Variants in RNF157 observed in about 807,000 individuals in gnomAD.
RNF157 encodes E3 ubiquitin ligase RNF157.
In RNF157, 55 loss-of-function variants were observed where a neutral mutation model predicts 88.3. The observed-to-expected ratio is 0.62, with a 90% CI of 0.50 to 0.78. The LOEUF (loss-of-function observed/expected upper bound fraction) is 0.78, where lower values mean the gene tolerates loss of function less well. RNF157 is among the 30% of genes least tolerant of loss of function. The pLI, the probability that RNF157 is intolerant of heterozygous loss-of-function variation, is 0.00. For synonymous variants in RNF157, 334 were observed against 341.2 expected (o/e 0.98, Z 0.23); for missense variants, 788 against 860.8 (o/e 0.92, Z 1.06).
At chr17:76,147,364 G>A in intron 18 of RNF157, 1 of 986,750 alleles carries the variant, frequency 1.0e-6, no homozygotes, top group Non-Finnish European at 1.2e-6. Flanking sequence ...AGACACACAT[G>A]CATGCACAAA....
chr17:76,145,852 G>A (rs1392962324), intron 18 of RNF157, among the ~76,000 whole-genome samples: 1 of 152,142 alleles, frequency 6.6e-6, no homozygotes, highest in African/African-American at 2.4e-5. Flanking sequence ...CAGGGTTCCT[G>A]GGATGGAAGG....
intron 3 of RNF157, among the ~76,000 whole-genome samples, chr17:76,170,833 T>C (rs2069001201): frequency 6.6e-6 from 1 of 152,232 alleles, no homozygotes; most frequent in Non-Finnish European, 1.5e-5. Context: ...GCTGTTGCTC[T>C]CTTCCCATTC....
At chr17:76,187,233 G>A (rs2069307184) in intron 2 of RNF157, among the ~76,000 whole-genome samples, 1 of 151,698 alleles carries the variant, frequency 6.6e-6, no homozygotes, top group Non-Finnish European at 1.5e-5. Context: ...ACCCAGGCTG[G>A]AGTGCAGTGG....
intron 1 of RNF157, among the ~76,000 whole-genome samples, chr17:76,218,393 T>G (rs951526245): frequency 3.9e-5 from 6 of 152,016 alleles, no homozygotes; most frequent in Middle Eastern, 3.2e-3. Context: ...GCAATCCCAG[T>G]ACTTTGGGAG....
At chr17:76,220,508 C>A (rs2069962761) in intron 1 of RNF157, among the ~76,000 whole-genome samples, 1 of 151,876 alleles carries the variant, frequency 6.6e-6, no homozygotes, top group South Asian at 2.1e-4. Context: ...ATGAACTGTA[C>A]CTCTGGGTGA....
intron 2 of RNF157, among the ~76,000 whole-genome samples, chr17:76,205,688 G>A (rs1327581501): frequency 6.6e-6 from 1 of 151,782 alleles, no homozygotes; most frequent in African/African-American, 2.4e-5. Context: ...TCGTGCCACT[G>A]CACTCTAGCC....
In RNF157 at chr17:76,230,880, AAGAGAAAG is replaced by A. The variant is rs1305663812; in HGVS notation, c.88+9265_88+9272del. 5.9e-3 allele frequency among the ~76,000 whole-genome samples: 655 copies of A among 110,596 alleles called. 1 individual carries two copies. Among genetic ancestry groups the A allele is most frequent in the African/African-American group, 0.028 (571 of 20,708 alleles). 72.6% of individuals were successfully genotyped at this position (110,596 alleles called of 152,430 possible). A position where few individuals can be genotyped will look rare whatever the true frequency, so the allele number is the denominator to read the frequency against. Reference sequence around the variant, plus strand: ...AAAAAGAGAGAGAGAGAGAGAGAGAAAGAGAAAGAGAGAAAGAGAGAGAGAGAGACTTT... The same window carrying A: ...AAAAAGAGAGAGAGAGAGAGAGAGAAAGAGAAAGAGAGAGAGAGAGACTTT... On this transcript the variant is annotated intron_variant, in intron 1 of 18. Transcript: ENST00000269391.
intron 1 of RNF157, among the ~76,000 whole-genome samples, chr17:76,213,391 G>A (rs1316749792): frequency 6.6e-6 from 1 of 151,932 alleles, no homozygotes; most frequent in Non-Finnish European, 1.5e-5. Context: ...CCAACACGGT[G>A]AAACCCCATC....
intron 1 of RNF157, among the ~76,000 whole-genome samples, chr17:76,225,204 T>A (rs181085737): frequency 6.8e-6 from 1 of 148,038 alleles, no homozygotes; most frequent in Non-Finnish European, 1.5e-5. Flanking sequence ...AAATATTACA[T>A]GTTAGGTGCA....
rs749897259 is a variant in RNF157 at position 76,155,615 on chromosome 17, C to T, written c.1645G>A (p.Glu549Lys). ...GCAGGCTGGGGGGAAGAGAGAGCCT[C>T]TCCCTCCTCTTCAGTGCCAGGGGCG... Reference protein sequence around the residue: ...YIAPGTEEEGEALSSPQPASR... With the variant: ...YIAPGTEEEGKALSSPQPASR... Residue 549 changes from glutamate (E) to lysine (K), a missense_variant, in exon 15 of 19, where the codon GAG (glutamate) becomes AAG (lysine). By Grantham distance (56) the Glu-to-Lys change is moderately conservative. Transcript: ENST00000269391. 5 of 1,613,718 alleles carry T rather than the reference C, an allele frequency of 3.1e-6. No homozygotes were observed. The highest frequency in any genetic ancestry group is 4.2e-6 in the Non-Finnish European group (5 of 1,179,948).
rs777083177 is a variant in RNF157, at chr17:76,210,601, A to AAAAAAG, written c.207+1762_207+1763insCTTTTT. On this transcript the variant is annotated intron_variant, in intron 2 of 18. Coordinates refer to ENST00000269391, the MANE Select transcript of RNF157 (RefSeq NM_052916.3). ...CCAGACTCCGTCCAAAAAAAAAAAAAAAAGAAAGAAAGAAAGAAAGAGAAC... is the reference window on the plus strand; with the variant it reads ...CCAGACTCCGTCCAAAAAAAAAAAAAAAAAAGAAAGAAAGAAAGAAAGAAAGAGAAC... Among the ~76,000 whole-genome samples, 212 of 148,466 alleles carry AAAAAAG rather than the reference A, an allele frequency of 1.4e-3. 2 individuals carry two copies. Among genetic ancestry groups the AAAAAAG allele is most frequent in the African/African-American group, 4.7e-3 (193 of 40,646 alleles).
chr17:76,200,135 C>G (rs147568850), intron 2 of RNF157, among the ~76,000 whole-genome samples: 1 of 151,502 alleles, frequency 6.6e-6, no homozygotes, highest in Admixed American at 6.6e-5. Context: ...CCAGCCACTC[C>G]GGAGGCTGAG....
At chr17:76,156,884 C>T (rs184746428) in intron 13 of RNF157, among the ~76,000 whole-genome samples, 7 of 152,264 alleles carry the variant, frequency 4.6e-5, no homozygotes, top group South Asian at 2.1e-4. Flanking sequence ...CAAAGTTCTA[C>T]GAACTGTATC....
intron 2 of RNF157, among the ~76,000 whole-genome samples, chr17:76,210,417 C>T (rs1019790243): frequency 2.9e-4 from 44 of 151,268 alleles, no homozygotes; most frequent in African/African-American, 5.8e-4. Context: ...AGTGAAACCC[C>T]GTCTCTACTA....
intron 1 of RNF157, among the ~76,000 whole-genome samples, chr17:76,228,777 C>T (rs1368376452): frequency 4.0e-5 from 6 of 151,734 alleles, no homozygotes; most frequent in African/African-American, 1.2e-4. Flanking sequence ...CAAACTTAGC[C>T]GGGCGTGGTG....
At chr17:76,213,684 C>T (rs1418253894) in intron 1 of RNF157, among the ~76,000 whole-genome samples, 13 of 151,130 alleles carry the variant, frequency 8.6e-5, no homozygotes, top group Admixed American at 3.3e-4. Flanking sequence ...CTCAGGATGG[C>T]GGCTGGTCAC....
intron 17 of RNF157, chr17:76,153,662 C>T (rs996056622): frequency 2.0e-5 from 3 of 152,652 alleles, no homozygotes; most frequent in African/African-American, 7.2e-5. Context: ...AAACAACATT[C>T]TTCCAACTGA....
chr17:76,154,790 C>T (rs994480115), intron 16 of RNF157: 2 of 233,318 alleles, frequency 8.6e-6, no homozygotes, highest in East Asian at 1.1e-4. Context: ...GGTCAGGGCA[C>T]GTCTCACACT....
Position 76,220,385 on chromosome 17 carries a change from TAAAAAAAAA to T in RNF157, c.89-7912_89-7904del, listed in dbSNP as rs34888046. On this transcript the variant is annotated intron_variant, in intron 1 of 18. Coordinates refer to ENST00000269391, the MANE Select transcript of RNF157 (RefSeq NM_052916.3). ...AAGTCAATGAGTTCGTAATGATATCTAAAAAAAAAAAAAAAAAAAGGTTACCTTTGAAGG... is the reference window on the plus strand; with the variant it reads ...AAGTCAATGAGTTCGTAATGATATCTAAAAAAAAAAGGTTACCTTTGAAGG... Among the ~76,000 whole-genome samples, 5 of 128,728 alleles carry T rather than the reference TAAAAAAAAA, an allele frequency of 3.9e-5. No individual in the cohort carries two copies. In the East Asian group the frequency reaches 9.1e-4, roughly 24 times the overall value. The allele number at this position is 128,728 out of a possible 152,430, so 84.5% of individuals were successfully genotyped here. A position where few individuals can be genotyped will look rare whatever the true frequency, so the allele number is the denominator to read the frequency against.
Sources: gnomAD v4.1 joint callset for allele counts (sites outside exome capture counted in the v4.1 genomes callset) on GRCh38, gnomAD v4.1.1 for gene constraint, MANE v1.5 for transcripts, NCBI Gene and HGNC (gene_info 2026-07-23, HGNC 2026-07-21) for gene names.